The following NUP107 variants were observed in gnomAD, a reference collection of about 807,000 sequenced individuals.
NUP107 encodes nuclear pore complex protein Nup107.
A neutral mutation model predicts 141.0 loss-of-function variants in NUP107; 101 were observed. The observed-to-expected ratio is 0.72, with a 90% CI of 0.61 to 0.84. NUP107 has a LOEUF of 0.84. Among genes scored for constraint, NUP107 ranks in the 40% least tolerant of loss-of-function variants. The pLI is 0.00. For missense variants in NUP107, 941 were observed against 1,102.7 expected (o/e 0.85, Z 2.08); for synonymous variants, 319 against 363.9 (o/e 0.88, Z 1.41).
intron 4 of NUP107, 151 bp downstream of exon 4, chr12:68,690,897 T>C (rs965759438): frequency 1.9e-5 from 13 of 687,436 alleles, no homozygotes; most frequent in Non-Finnish European, 2.8e-5. Context: ...CTGCTTAGCA[T>C]GATAAAACCC....
intron 8 of NUP107, among the ~76,000 whole-genome samples, chr12:68,703,282 C>T (rs1279929259): frequency 6.6e-6 from 1 of 152,124 alleles, no homozygotes; most frequent in Non-Finnish European, 1.5e-5. Flanking sequence ...CTTTTTATCC[C>T]ACTGACTATT....
At position 68,709,239 on chromosome 12, in the gene NUP107, C is replaced by T; in HGVS notation, c.731C>T (p.Ala244Val). 1 of 1,575,150 alleles carries T rather than the reference C, an allele frequency of 6.3e-7. No homozygotes were observed. The highest frequency in any genetic ancestry group is 1.2e-5 in the South Asian group (1 of 86,088). ...TCCTTTTAATATTTTTCATAATAGGCTGTTAATGCCAGTGAAAAAACAGTT... is the reference window on the plus strand; with the variant it reads ...TCCTTTTAATATTTTTCATAATAGGTTGTTAATGCCAGTGAAAAAACAGTT... ...LEEESVFAVT[A>V]VNASEKTVVE... The change falls in exon 9 of 28, where the codon GCT becomes GTT. Residue 244 changes from alanine (A) to valine (V), a missense_variant and splice_region_variant. Physicochemically the swap from Ala to Val is moderately conservative, Grantham distance 64. Transcript: ENST00000229179.
chr12:68,742,112 GT>G (rs1878343976), intron 27 of NUP107, 132 bp downstream of exon 27: 1 of 795,932 alleles, frequency 1.3e-6, no homozygotes, highest in Admixed American at 3.1e-5. Context: ...CAGTTTTAAT[GT>G]TTTAATGTTT....
At position 68,745,690 on chromosome 12, in the gene NUP107, CTAA is replaced by C. The variant is rs1416549737; in HGVS notation, c.*3233_*3235del. On this transcript the variant is annotated 3_prime_UTR_variant, in exon 28 of 28. Transcript: ENST00000229179. ...GAGAACACATTTTCTCACTGTTGAGCTAATAATGCTTTGTGAATGTATGATCTA... is the reference window on the plus strand; with the variant it reads ...GAGAACACATTTTCTCACTGTTGAGCTAATGCTTTGTGAATGTATGATCTA... The C allele has an allele frequency of 6.6e-5, 10 of 152,224 alleles. No individual in the cohort carries two copies. The highest frequency in any genetic ancestry group is 5.9e-4 in the Admixed American group (9 of 15,280). The allele number at this position is 152,224 out of a possible 1,614,324, so 9.4% of individuals were successfully genotyped here.
Position 68,727,395 on chromosome 12 carries a change from C to CT in NUP107, c.1734+9dup, listed in dbSNP as rs749691080. 33 of 1,468,470 alleles carry CT rather than the reference C, an allele frequency of 2.2e-5. No individual in the cohort carries two copies. In the South Asian group the frequency reaches 4.1e-4, roughly 18 times the overall value. The allele number at this position is 1,468,470 out of a possible 1,614,324, so 91.0% of individuals were successfully genotyped here. A position where few individuals can be genotyped will look rare whatever the true frequency, so the allele number is the denominator to read the frequency against. On this transcript the variant is annotated splice_region_variant and intron_variant, in intron 20 of 27. Transcript: ENST00000229179. ...TTTTAAAGACATACATACAGGTAAACTTTGAGAACCTACAACCTGATTGTT... is the reference window on the plus strand; with the variant it reads ...TTTTAAAGACATACATACAGGTAAACTTTTGAGAACCTACAACCTGATTGTT...
chr12:68,706,841 C>G, intron 8 of NUP107: 1 of 758,004 alleles, frequency 1.3e-6, no homozygotes, highest in Admixed American at 1.7e-5. Flanking sequence ...GTCTGGGATG[C>G]AGAACATGAG....
chr12:68,708,730 G>A (rs1435887125), intron 8 of NUP107, among the ~76,000 whole-genome samples: 1 of 151,530 alleles, frequency 6.6e-6, no homozygotes, highest in Non-Finnish European at 1.5e-5. Context: ...AGTGATTCTC[G>A]TGCCTTAGCC....
intron 25 of NUP107, 91 bp from the exon 26 acceptor site, chr12:68,735,140 T>G: frequency 2.3e-6 from 2 of 875,744 alleles, no homozygotes; most frequent in East Asian, 4.9e-5. Context: ...TTTAGAATGA[T>G]GTTCTATATG....
At chr12:68,719,223 TG>T in intron 12 of NUP107, 117 bp from the exon 13 acceptor site, 32 of 704,282 alleles carry the variant, frequency 4.5e-5, no homozygotes, top group Non-Finnish European at 7.5e-5. Context: ...ATCCATCCCT[TG>T]TAATGGGATG....
At chr12:68,729,377 T>C (rs1473776472) in intron 20 of NUP107, among the ~76,000 whole-genome samples, 1 of 152,172 alleles carries the variant, frequency 6.6e-6, no homozygotes, top group African/African-American at 2.4e-5. Flanking sequence ...TTTATAGTAG[T>C]AAGTGATAAA....
In NUP107 at chr12:68,734,712, C is replaced by A. The variant is rs751627750; in HGVS notation, c.2267C>A (p.Ala756Asp). ...EHLCIRAYLE[A>D]HETFNEWFKH... Reference sequence around the variant, plus strand: ...TTTTTTTATTTCACATTTTAGGAAGCCCATGAAACCTTTAATGAGTGGTTT... The same window carrying A: ...TTTTTTTATTTCACATTTTAGGAAGACCATGAAACCTTTAATGAGTGGTTT... Residue 756 changes from alanine (A) to aspartate (D), a missense_variant, in exon 25 of 28, where the codon GCC becomes GAC. Transcript: ENST00000229179. 1.9e-6 allele frequency: 3 copies of A among 1,556,416 alleles called. No homozygotes were observed. The highest frequency in any genetic ancestry group is 2.6e-6 in the Non-Finnish European group (3 of 1,152,496).
chr12:68,737,182 C>T (rs1878112302), intron 26 of NUP107, among the ~76,000 whole-genome samples: 1 of 152,150 alleles, frequency 6.6e-6, no homozygotes. Flanking sequence ...GACTTCAATG[C>T]TTTATTTATA....
intron 6 of NUP107, among the ~76,000 whole-genome samples, chr12:68,698,656 T>C (rs1876182509): frequency 1.3e-5 from 2 of 152,218 alleles, no homozygotes; most frequent in African/African-American, 2.4e-5. Context: ...GAACCTTAAA[T>C]GCATATTGCT....
chr12:68,690,907 C>T (rs1875753547), intron 4 of NUP107, among the ~76,000 whole-genome samples, 161 bp downstream of exon 4: 1 of 152,082 alleles, frequency 6.6e-6, no homozygotes, highest in South Asian at 2.1e-4. Flanking sequence ...TGATAAAACC[C>T]TGTCTCTACT....
In NUP107 at chr12:68,742,425, A is replaced by AG. The variant is rs766405389; in HGVS notation, c.2744dup (p.Leu916ThrfsTer2). On this transcript the variant is annotated frameshift_variant, in exon 28 of 28. Transcript: ENST00000229179. LOFTEE classifies it high-confidence loss of function. Reference sequence around the variant, plus strand: ...GAGTCCTCTCTAATGCTCCTAGACCAGGGACTTGACCCATTAGGGTATGAA... The same window carrying AG: ...GAGTCCTCTCTAATGCTCCTAGACCAGGGGACTTGACCCATTAGGGTATGAA... 6.2e-7 allele frequency: 1 copy of AG among 1,606,444 alleles called. No homozygotes were observed. Among genetic ancestry groups the AG allele is most frequent in the South Asian group, 1.1e-5 (1 of 90,138 alleles).
In NUP107 at chr12:68,691,983, G is replaced by A; in HGVS notation, c.319G>A (p.Asp107Asn). Residue 107 changes from aspartate (D) to asparagine (N), a missense_variant, in exon 5 of 28, where the codon GAC (aspartate) becomes AAC (asparagine). By Grantham distance (23) the Asp-to-Asn change is conservative. Coordinates refer to ENST00000229179, the MANE Select transcript of NUP107 (RefSeq NM_020401.4). ...GNLSMVTNLDDSNWAAAFSSQ... is the reference protein window; with the variant it reads ...GNLSMVTNLDNSNWAAAFSSQ... ...TTTTTTTAAGGTTACTAATCTGGAT[G>A]ACAGTAACTGGGCAGCTGCATTTTC... 6 of 1,599,400 alleles carry A rather than the reference G, an allele frequency of 3.8e-6. No individual in the cohort carries two copies. The highest frequency in any genetic ancestry group is 5.1e-6 in the Non-Finnish European group (6 of 1,176,142).
intron 12 of NUP107, among the ~76,000 whole-genome samples, chr12:68,718,403 A>G (rs1316087186): frequency 6.6e-6 from 1 of 152,250 alleles, no homozygotes; most frequent in African/African-American, 2.4e-5. Flanking sequence ...CCTTACTGGT[A>G]TATAAACACA....
intron 10 of NUP107, among the ~76,000 whole-genome samples, chr12:68,711,577 A>C (rs1876862738): frequency 6.6e-6 from 1 of 152,022 alleles, no homozygotes. Context: ...TAGATACGAC[A>C]GGGAGTCCTA....
intron 5 of NUP107, among the ~76,000 whole-genome samples, chr12:68,694,671 G>A (rs1296349604): frequency 2.0e-5 from 3 of 152,240 alleles, no homozygotes; most frequent in Admixed American, 6.5e-5. Flanking sequence ...GGAGGCTGAC[G>A]CGGGTGGATC....
Sources: allele counts gnomAD v4.1 joint callset (sites outside exome capture counted in the v4.1 genomes callset), GRCh38; gene constraint gnomAD v4.1.1; transcripts MANE v1.5; gene names NCBI Gene and HGNC (gene_info 2026-07-23, HGNC 2026-07-21).